The following PCDHGA8 variants were observed in gnomAD, a reference collection of about 807,000 sequenced individuals.
PCDHGA8 encodes the protein protocadherin gamma subfamily A, 8, also known as protocadherin gamma-A8.
Under a neutral mutation model 59.2 loss-of-function variants are expected in PCDHGA8, and 45 were observed. The ratio of observed to expected loss-of-function variants is 0.76; its 90% CI spans 0.60 to 0.98. The LOEUF is 0.98. PCDHGA8 is among the 50% of genes least tolerant of loss of function. The pLI, the probability that PCDHGA8 is intolerant of heterozygous loss-of-function variation, is 0.00. For synonymous variants in PCDHGA8, 531 were observed against 519.0 expected (o/e 1.02, Z -0.32); for missense variants, 1,257 against 1,196.2 (o/e 1.05, Z -0.75).
chr5:141,421,288 C>T, intron 1 of PCDHGA8: 1 of 1,613,312 alleles, frequency 6.2e-7, no homozygotes, highest in Non-Finnish European at 8.5e-7. Context: ...GTGCATTTTC[C>T]TGGGGACGCT....
intron 1 of PCDHGA8, among the ~76,000 whole-genome samples, chr5:141,470,055 G>A (rs1432696943): frequency 1.3e-5 from 2 of 152,192 alleles, no homozygotes; most frequent in Non-Finnish European, 1.5e-5. Context: ...TTTGAACCCC[G>A]GAGGCAGAGA....
chr5:141,491,783 A>C lies in PCDHGA8; in HGVS notation c.2425-3024A>C. 1 of 1,539,736 alleles carries C rather than the reference A, an allele frequency of 6.5e-7. No individual in the cohort carries two copies. The highest frequency in any genetic ancestry group is 1.2e-5 in the South Asian group (1 of 82,444). On this transcript the variant is annotated intron_variant, in intron 1 of 3. Coordinates refer to ENST00000398604, the MANE Select transcript of PCDHGA8 (RefSeq NM_032088.2). The surrounding 1 kb of genome is among the most constrained non-coding windows in gnomAD (Gnocchi z 6.9). ...CGTCCTCATAAGGGATTGAACTTGC[A>C]TCCACTCCTCTCCGGCCGGCTTGGT...
intron 1 of PCDHGA8, chr5:141,423,216 G>A (rs376530221): frequency 1.2e-6 from 2 of 1,613,632 alleles, no homozygotes; most frequent in African/African-American, 2.7e-5. Flanking sequence ...CGCTCACCGT[G>A]GCTGTGGCCG....
At chr5:141,498,796 G>A (rs1160540093) in intron 2 of PCDHGA8, among the ~76,000 whole-genome samples, 1 of 152,032 alleles carries the variant, frequency 6.6e-6, no homozygotes, top group Non-Finnish European at 1.5e-5. Context: ...AGCCAGGTGT[G>A]GTGGTGCACA....
chr5:141,419,037 A>G, intron 1 of PCDHGA8: 1 of 1,613,972 alleles, frequency 6.2e-7, no homozygotes, highest in Middle Eastern at 1.6e-4. Flanking sequence ...GTTCCATTTA[A>G]GATTCATTCT....
intron 1 of PCDHGA8, chr5:141,404,213 A>G: frequency 6.2e-7 from 1 of 1,613,516 alleles, no homozygotes; most frequent in Non-Finnish European, 8.5e-7. Context: ...ATATAATATC[A>G]CGGTGACTGC....
chr5:141,489,247 C>T lies in PCDHGA8; in HGVS notation c.2425-5560C>T. 6.5e-7 allele frequency: 1 copy of T among 1,546,012 alleles called. No individual in the cohort carries two copies. The highest frequency in any genetic ancestry group is 8.7e-7 in the Non-Finnish European group (1 of 1,146,298). ...ACAAAGGGACTTCTGGGTCATGGGGCCCAAGACACTCCCACAGCTCGCTGG... is the reference window on the plus strand; with the variant it reads ...ACAAAGGGACTTCTGGGTCATGGGGTCCAAGACACTCCCACAGCTCGCTGG... On this transcript the variant is annotated intron_variant, in intron 1 of 3. Coordinates refer to ENST00000398604, the MANE Select transcript of PCDHGA8 (RefSeq NM_032088.2). This position sits in a 1 kb window ranked among gnomAD's most constrained non-coding sequence, Gnocchi z 4.5.
At position 141,489,651 on chromosome 5, in the gene PCDHGA8, G is replaced by A; in HGVS notation, c.2425-5156G>A. 6.2e-7 allele frequency: 1 copy of A among 1,614,186 alleles called. No individual in the cohort carries two copies. Among genetic ancestry groups the A allele is most frequent in the Non-Finnish European group, 8.5e-7 (1 of 1,180,032 alleles). ...ACTCTCCTAGCTTTGCCACCCCTGA[G>A]CGAGAGATGCGCATCTCAGAATCAG... On this transcript the variant is annotated intron_variant, in intron 1 of 3. Coordinates refer to ENST00000398604, the MANE Select transcript of PCDHGA8 (RefSeq NM_032088.2). The surrounding 1 kb of genome is among the most constrained non-coding windows in gnomAD (Gnocchi z 4.5).
chr5:141,446,639 G>T (rs1461520959), intron 1 of PCDHGA8, among the ~76,000 whole-genome samples: 7 of 152,116 alleles, frequency 4.6e-5, no homozygotes, highest in Non-Finnish European at 8.8e-5. Flanking sequence ...ACCACGCCTG[G>T]CTAATTTTTG....
chr5:141,402,642 A>C (rs1236156893), intron 1 of PCDHGA8, among the ~76,000 whole-genome samples: 2 of 152,240 alleles, frequency 1.3e-5, no homozygotes, highest in Non-Finnish European at 2.9e-5. Flanking sequence ...TAAAATCATA[A>C]TTAGAAGAGA....
intron 1 of PCDHGA8, among the ~76,000 whole-genome samples, chr5:141,469,340 G>A (rs1412181099): frequency 6.6e-6 from 1 of 152,138 alleles, no homozygotes; most frequent in Non-Finnish European, 1.5e-5. Context: ...ACTTTGGGAG[G>A]CTGAGGTGGA....
intron 1 of PCDHGA8, chr5:141,433,126 G>A (rs1390613447): frequency 1.9e-6 from 3 of 1,614,120 alleles, no homozygotes; most frequent in Middle Eastern, 1.7e-4. Flanking sequence ...AAAAAAGCGA[G>A]CCCCTTTTGC....
At chr5:141,412,282 C>A (rs1017660848) in intron 1 of PCDHGA8, 1 of 152,186 alleles carries the variant, frequency 6.6e-6, no homozygotes, top group African/African-American at 2.4e-5. Flanking sequence ...ACTTCAAATT[C>A]TACGTATTTC....
intron 1 of PCDHGA8, chr5:141,413,635 A>C: frequency 6.2e-7 from 1 of 1,613,888 alleles, no homozygotes; most frequent in Non-Finnish European, 8.5e-7. Context: ...CGCTGCGGGA[A>C]TGCGTTTTCC....
At position 141,393,612 on chromosome 5, in the gene PCDHGA8, A is replaced by G. The variant is rs1171689277; in HGVS notation, c.799A>G (p.Ser267Gly). Reference sequence around the variant, plus strand: ...CACGCGGCTGCTTACTGTAACAGCCAGCGACCCGGATGAGGGAATCAACGG... The same window carrying G: ...CACGCGGCTGCTTACTGTAACAGCCGGCGACCCGGATGAGGGAATCAACGG... ...PGTRLLTVTA[S>G]DPDEGINGKV... The change falls in exon 1 of 4, where the codon AGC becomes GGC. Residue 267 changes from serine to glycine, a missense_variant. By Grantham distance (56) the Ser-to-Gly change is moderately conservative (BLOSUM62 0). Coordinates refer to ENST00000398604, the MANE Select transcript of PCDHGA8 (RefSeq NM_032088.2). 6.2e-7 allele frequency: 1 copy of G among 1,613,840 alleles called. No homozygotes were observed. Among genetic ancestry groups the G allele is most frequent in the Non-Finnish European group, 8.5e-7 (1 of 1,179,908 alleles).
chr5:141,510,420 G>A (rs1275392355), intron 3 of PCDHGA8, among the ~76,000 whole-genome samples: 2 of 152,126 alleles, frequency 1.3e-5, no homozygotes, highest in Non-Finnish European at 2.9e-5. Flanking sequence ...TAAAGCCATG[G>A]TTTCATGGCT....
At position 141,502,499 on chromosome 5, in the gene PCDHGA8, C is replaced by T. The variant is rs552402476; in HGVS notation, c.2484-2894C>T. ...CATCACACTGGGACTCATCTAACGT[C>T]GGCCTGTCCCACTATCAGTGATGCC... On this transcript the variant is annotated intron_variant, in intron 2 of 3. Coordinates refer to ENST00000398604, the MANE Select transcript of PCDHGA8 (RefSeq NM_032088.2). Among the ~76,000 whole-genome samples, 24 of 152,240 alleles carry T rather than the reference C, an allele frequency of 1.6e-4. No homozygotes were observed. In the East Asian group the frequency reaches 4.1e-3, roughly 26 times the overall value.
At chr5:141,435,858 A>C (rs138728159) in intron 1 of PCDHGA8, among the ~76,000 whole-genome samples, 1 of 152,304 alleles carries the variant, frequency 6.6e-6, no homozygotes, top group East Asian at 1.9e-4. Context: ...TACAATAGTT[A>C]AAACCCAGAA....
In PCDHGA8 at chr5:141,432,776, G is replaced by C. The variant is rs975435403; in HGVS notation, c.2424+37539G>C. 1.9e-6 allele frequency: 3 copies of C among 1,614,172 alleles called. No homozygotes were observed. In the African/African-American group the frequency reaches 4.0e-5, roughly 22 times the overall value. ...GGCCGACAGCATCCCCCAAGTCCTG[G>C]CGGACCTCGGCAGCCTCGAGTCTCC... On this transcript the variant is annotated intron_variant, in intron 1 of 3. Transcript: ENST00000398604. This position sits in a 1 kb window ranked among gnomAD's most constrained non-coding sequence, Gnocchi z 6.0.
Sources: gnomAD v4.1 joint callset for allele counts (sites outside exome capture counted in the v4.1 genomes callset) on GRCh38, gnomAD v4.1.1 for gene constraint, Gnocchi (gnomAD v3.1) non-coding constraint, MANE v1.5 for transcripts, NCBI Gene and HGNC (gene_info 2026-07-23, HGNC 2026-07-21) for gene names.